The following UBE3D variants were observed in gnomAD, a reference collection of about 807,000 sequenced individuals.
UBE3D encodes E3 ubiquitin-protein ligase E3D.
A neutral mutation model predicts 49.6 loss-of-function variants in UBE3D; 48 were observed. That is an observed-to-expected ratio of 0.97 (90% CI 0.77 to 1.23). The LOEUF is 1.23. Among genes scored for constraint, UBE3D ranks in the 50% most tolerant of loss-of-function variants. The probability of loss-of-function intolerance (pLI) is 0.00; values close to 1 mark genes in which losing one functional copy is unlikely to be tolerated. For missense variants in UBE3D, 452 were observed against 468.4 expected (o/e 0.96, Z 0.32); for synonymous variants, 189 against 174.2 (o/e 1.08, Z -0.67).
chr6:82,895,690 G>T (rs1169802791), intron 9 of UBE3D, among the ~76,000 whole-genome samples: 5 of 152,158 alleles, frequency 3.3e-5, no homozygotes, highest in Non-Finnish European at 7.4e-5. Context: ...TACATATGAA[G>T]AAACAGAAGC....
intron 2 of UBE3D, among the ~76,000 whole-genome samples, chr6:83,056,161 T>G (rs535457231): frequency 6.6e-6 from 1 of 152,384 alleles, no homozygotes; most frequent in East Asian, 1.9e-4. Flanking sequence ...TTTTTAAAAA[T>G]AATTCCAGTT....
At chr6:83,024,095 GGC>G in intron 5 of UBE3D, 57 bp from the exon 6 acceptor site, 2 of 948,066 alleles carry the variant, frequency 2.1e-6, no homozygotes, top group East Asian at 5.4e-5. Flanking sequence ...TTTTATTGTG[GGC>G]AAGTTGACTC....
rs1382634256 is a variant in UBE3D at position 82,924,229 on chromosome 6, GAT to G, written c.1150-31189_1150-31188del. On this transcript the variant is annotated intron_variant, in intron 9 of 9. Transcript: ENST00000369747. ...AAAAAGAAAAAGAAAACAAAACCCAGATATAGCCATTTTCTTGCAGAGCTTAC... is the reference window on the plus strand; with the variant it reads ...AAAAAGAAAAAGAAAACAAAACCCAGATAGCCATTTTCTTGCAGAGCTTAC... Among the ~76,000 whole-genome samples the G allele has an allele frequency of 3.9e-5, 6 of 152,156 alleles. No homozygotes were observed. In the East Asian group the frequency reaches 1.2e-3, roughly 29 times the overall value.
At chr6:82,909,984 G>A (rs979726498) in intron 9 of UBE3D, among the ~76,000 whole-genome samples, 1 of 152,130 alleles carries the variant, frequency 6.6e-6, no homozygotes, top group Non-Finnish European at 1.5e-5. Context: ...TACCCTCAAC[G>A]TGTTCAAATG....
intron 9 of UBE3D, chr6:82,938,298 G>C (rs772871681): frequency 2.6e-5 from 4 of 152,150 alleles, no homozygotes; most frequent in Non-Finnish European, 5.9e-5. Flanking sequence ...GTCCAGACTA[G>C]ATCTTGAGTG....
intron 9 of UBE3D, among the ~76,000 whole-genome samples, chr6:82,928,550 A>G (rs1351554179): frequency 1.3e-5 from 2 of 152,170 alleles, no homozygotes; most frequent in African/African-American, 2.4e-5. Flanking sequence ...ACCACCTTAT[A>G]TTAGCCCCTC....
At chr6:83,054,097 A>ATT in intron 3 of UBE3D, 51 bp downstream of exon 3, 1 of 1,461,024 alleles carries the variant, frequency 6.8e-7, no homozygotes, top group East Asian at 2.3e-5. Flanking sequence ...ATAGAAAAAG[A>ATT]GATAACCATT....
At chr6:82,891,510 T>C (rs1308240385), downstream of UBE3D, among the ~76,000 whole-genome samples, 2 of 152,218 alleles carry the variant, frequency 1.3e-5, no homozygotes, top group Non-Finnish European at 2.9e-5. Flanking sequence ...GCTGTGAGTC[T>C]TGGATGTATC....
chr6:82,974,273 G>T (rs1777554888), intron 8 of UBE3D, among the ~76,000 whole-genome samples: 1 of 152,036 alleles, frequency 6.6e-6, no homozygotes, highest in South Asian at 2.1e-4. Flanking sequence ...CCGGTCCCTT[G>T]TGCCGAAAAG....
chr6:82,898,362 T>C (rs1444363593), intron 9 of UBE3D, among the ~76,000 whole-genome samples: 1 of 152,174 alleles, frequency 6.6e-6, no homozygotes, highest in Non-Finnish European at 1.5e-5. Context: ...CATTCTACTA[T>C]AAAGATACAT....
At chr6:83,026,647 C>G (rs903242660) in intron 5 of UBE3D, among the ~76,000 whole-genome samples, 1 of 152,016 alleles carries the variant, frequency 6.6e-6, no homozygotes, top group Non-Finnish European at 1.5e-5. Flanking sequence ...CGTTATTACA[C>G]GCAGGACTAA....
chr6:83,028,869 T>C (rs1422810751), intron 5 of UBE3D, among the ~76,000 whole-genome samples: 11 of 152,186 alleles, frequency 7.2e-5, no homozygotes, highest in Admixed American at 7.2e-4. Context: ...TTTTGAGTGA[T>C]AGTTATGCTA....
At chr6:83,055,694 C>A (rs902914035) in intron 2 of UBE3D, among the ~76,000 whole-genome samples, 7 of 152,214 alleles carry the variant, frequency 4.6e-5, no homozygotes, top group Admixed American at 6.5e-5. Context: ...TAGTTCCACA[C>A]CGAGGGTCAC....
chr6:83,045,812 T>C (rs1250543961), intron 3 of UBE3D, among the ~76,000 whole-genome samples: 1 of 152,214 alleles, frequency 6.6e-6, no homozygotes, highest in African/African-American at 2.4e-5. Flanking sequence ...TTTCCACTAA[T>C]ATCCTTTTTT....
chr6:82,882,698 C>T, the UBE3D span, among the ~76,000 whole-genome samples: 4 of 152,168 alleles, frequency 2.6e-5, no homozygotes, highest in African/African-American at 9.7e-5. Context: ...GAAACAGTAG[C>T]TCAATGTCAT....
intron 2 of UBE3D, among the ~76,000 whole-genome samples, chr6:83,054,851 A>G (rs748466214): frequency 7.9e-5 from 12 of 152,148 alleles, no homozygotes; most frequent in Non-Finnish European, 1.3e-4. Context: ...GGGTTTCACC[A>G]TCTTGGCCAG....
chr6:82,995,394 A>AC (rs1779166843), intron 8 of UBE3D, among the ~76,000 whole-genome samples: 2 of 34,076 alleles, frequency 5.9e-5, no homozygotes, highest in African/African-American at 1.8e-4. Flanking sequence ...AAAATTTAAA[A>AC]CTTGTTTGTC....
At chr6:82,967,143 T>A (rs545527469) in intron 8 of UBE3D, among the ~76,000 whole-genome samples, 1 of 152,322 alleles carries the variant, frequency 6.6e-6, no homozygotes, top group East Asian at 1.9e-4. Flanking sequence ...TTTAAACCAT[T>A]TCTTCCCACT....
intron 9 of UBE3D, among the ~76,000 whole-genome samples, chr6:82,939,403 T>G (rs1304794340): frequency 1.3e-5 from 2 of 152,248 alleles, no homozygotes; most frequent in Non-Finnish European, 2.9e-5. Context: ...CATACAGTCA[T>G]GAGCTGCATA....
Sources: allele counts gnomAD v4.1 joint callset (sites outside exome capture counted in the v4.1 genomes callset), GRCh38; gene constraint gnomAD v4.1.1; transcripts MANE v1.5; gene names NCBI Gene and HGNC (gene_info 2026-07-23, HGNC 2026-07-21).